KCNT2: variants seen among roughly 807,000 people sequenced by gnomAD.
The protein encoded by KCNT2 is potassium channel subfamily T member 2.
Under a neutral mutation model 153.8 loss-of-function variants are expected in KCNT2, and 67 were observed. The observed-to-expected ratio is 0.44, with a 90% CI of 0.36 to 0.53. The LOEUF (loss-of-function observed/expected upper bound fraction) is 0.53. Ranked by LOEUF, KCNT2 falls within the 20% of genes least tolerant of loss-of-function variation. The pLI is 0.00. For missense variants in KCNT2, 975 were observed against 1,354.8 expected (o/e 0.72, Z 4.40); for synonymous variants, 500 against 458.8 (o/e 1.09, Z -1.15).
intron 10 of KCNT2, 99 bp from the exon 11 acceptor site, chr1:196,426,087 A>C: frequency 1.1e-6 from 1 of 892,430 alleles, no homozygotes; most frequent in Non-Finnish European, 1.7e-6. Flanking sequence ...AAATATGATA[A>C]AACTGAAATG....
At chr1:196,545,826 T>A (rs774481615) in intron 1 of KCNT2, among the ~76,000 whole-genome samples, 1 of 151,882 alleles carries the variant, frequency 6.6e-6, no homozygotes, top group Admixed American at 6.6e-5. Flanking sequence ...TATCTTTTTA[T>A]GTCTGACTCT....
At chr1:196,292,768 C>T (rs1331427081) in intron 22 of KCNT2, among the ~76,000 whole-genome samples, 3 of 137,464 alleles carry the variant, frequency 2.2e-5, no homozygotes, top group South Asian at 2.4e-4. Flanking sequence ...GTGGAGATTG[C>T]GCCACTGCAC....
intron 8 of KCNT2, among the ~76,000 whole-genome samples, chr1:196,464,420 A>G (rs1439482069): frequency 1.3e-5 from 2 of 151,936 alleles, no homozygotes; most frequent in African/African-American, 4.8e-5. Context: ...ACCACATACT[A>G]TTGATACAAA....
At chr1:196,248,843 G>A (rs192169807) in intron 26 of KCNT2, among the ~76,000 whole-genome samples, 206 of 152,042 alleles carry the variant, frequency 1.4e-3, no homozygotes, top group Non-Finnish European at 2.0e-3. Flanking sequence ...AAGATACATC[G>A]ACAAAGAAAC....
intron 13 of KCNT2, among the ~76,000 whole-genome samples, chr1:196,374,844 A>G (rs1668820458): frequency 6.6e-6 from 1 of 151,892 alleles, no homozygotes; most frequent in Non-Finnish European, 1.5e-5. Flanking sequence ...ATCAAAAATT[A>G]GAACAGATGA....
chr1:196,490,791 C>A (rs1282492103), intron 2 of KCNT2, among the ~76,000 whole-genome samples: 1 of 151,776 alleles, frequency 6.6e-6, no homozygotes, highest in Non-Finnish European at 1.5e-5. Flanking sequence ...TGAGCATTAT[C>A]TTTCCTGTAA....
At chr1:196,337,162 C>T (rs762399341) in intron 16 of KCNT2, among the ~76,000 whole-genome samples, 74 of 151,426 alleles carry the variant, frequency 4.9e-4, no homozygotes, top group Middle Eastern at 3.4e-3. Context: ...CCTTCACCCC[C>T]GCAAAACCTG....
At position 196,342,131 on chromosome 1, in the gene KCNT2, CA is replaced by C; in HGVS notation, c.1500del (p.Phe500LeufsTer24). 1 of 1,610,994 alleles carries C rather than the reference CA, an allele frequency of 6.2e-7. No individual in the cohort carries two copies. Among genetic ancestry groups the C allele is most frequent in the South Asian group, 1.1e-5 (1 of 90,508 alleles). On this transcript the variant is annotated frameshift_variant, in exon 15 of 28. Coordinates refer to ENST00000294725, the MANE Select transcript of KCNT2 (RefSeq NM_198503.5). LOFTEE classifies it high-confidence loss of function. ...GTAAAACTCTTTCCTTCATATTCAG[CA>C]AAAAATGTACTTTCTTCCAAAACAA... Reference protein sequence around the residue: ...YHIVLEESTFFAEYEGKSFTY... With the variant: ...YHIVLEESTFXAEYEGKSFTY...
intron 14 of KCNT2, among the ~76,000 whole-genome samples, chr1:196,364,835 T>G (rs1442914481): frequency 1.3e-5 from 2 of 152,240 alleles, no homozygotes; most frequent in East Asian, 3.9e-4. Context: ...AACTTGTTTG[T>G]GAAAATAACA....
chr1:196,505,993 T>A (rs539983159), intron 1 of KCNT2, among the ~76,000 whole-genome samples: 1 of 152,152 alleles, frequency 6.6e-6, no homozygotes, highest in African/African-American at 2.4e-5. Flanking sequence ...GCTGAGACAA[T>A]GGGGTTTTCT....
chr1:196,379,245 C>A (rs888977766), intron 13 of KCNT2, among the ~76,000 whole-genome samples: 1 of 151,920 alleles, frequency 6.6e-6, no homozygotes, highest in African/African-American at 2.4e-5. Flanking sequence ...TTCTAATTCC[C>A]CTCCTTTGTT....
At position 196,238,748 on chromosome 1, in the gene KCNT2, C is replaced by T. The variant is rs111274109; in HGVS notation, c.3212-2678G>A. Among the ~76,000 whole-genome samples the T allele has an allele frequency of 1.8e-3, 266 of 151,814 alleles. 1 individual carries two copies. The highest frequency in any genetic ancestry group is 6.0e-3 in the African/African-American group (250 of 41,434). Reference sequence around the variant, plus strand: ...CTAATGTAAATGACGAGTTAATGGGCGCAGCAAACCAACACGGCACATGCA... The same window carrying T: ...CTAATGTAAATGACGAGTTAATGGGTGCAGCAAACCAACACGGCACATGCA... On this transcript the variant is annotated intron_variant, in intron 26 of 27. Transcript: ENST00000294725.
intron 1 of KCNT2, among the ~76,000 whole-genome samples, chr1:196,563,533 A>G (rs910204015): frequency 6.6e-6 from 1 of 151,858 alleles, no homozygotes; most frequent in African/African-American, 2.4e-5. Context: ...TGAAACCAAC[A>G]TTACCTTCAT....
intron 8 of KCNT2, among the ~76,000 whole-genome samples, chr1:196,447,202 C>T (rs2027367): frequency 0.99 from 149,907 of 151,616 alleles, 74,125 homozygotes; most frequent in Middle Eastern, 1. Context: ...AAGAAAAAAA[C>T]TGTGATACAA....
intron 1 of KCNT2, among the ~76,000 whole-genome samples, chr1:196,553,406 C>T (rs1658214163): frequency 6.6e-6 from 1 of 150,782 alleles, no homozygotes; most frequent in African/African-American, 2.4e-5. Flanking sequence ...AATATTACTC[C>T]CAGAAAGAAA....
At chr1:196,467,138 C>T (rs1677691103) in intron 7 of KCNT2, among the ~76,000 whole-genome samples, 1 of 151,864 alleles carries the variant, frequency 6.6e-6, no homozygotes, top group Admixed American at 6.6e-5. Context: ...TTACTTGAGC[C>T]CTCAAAAGCC....
At chr1:196,292,116 T>G (rs1045921922) in intron 22 of KCNT2, among the ~76,000 whole-genome samples, 1 of 152,230 alleles carries the variant, frequency 6.6e-6, no homozygotes, top group African/African-American at 2.4e-5. Flanking sequence ...CTCAATTTAC[T>G]TTTACGAATC....
chr1:196,472,797 T>C (rs61820755), intron 5 of KCNT2, among the ~76,000 whole-genome samples: 9,404 of 152,252 alleles, frequency 0.062, 372 homozygotes, highest in Middle Eastern at 0.1. Context: ...GATTTTCTAG[T>C]TTTTATTTCA....
rs570995073 is a variant in KCNT2, at chr1:196,546,262, A to G, written c.96-53921T>C. Among the ~76,000 whole-genome samples the G allele has an allele frequency of 3.3e-3, 505 of 152,244 alleles. 3 individuals are homozygous for G. Among genetic ancestry groups the G allele is most frequent in the Non-Finnish European group, 5.8e-3 (392 of 68,012 alleles). Reference sequence around the variant, plus strand: ...TCTTGATGATGTACTTTGAAGCACAAAAGTTTTCAATTTTAAAGAAGCCAA... The same window carrying G: ...TCTTGATGATGTACTTTGAAGCACAGAAGTTTTCAATTTTAAAGAAGCCAA... On this transcript the variant is annotated intron_variant, in intron 1 of 27. Coordinates refer to ENST00000294725, the MANE Select transcript of KCNT2 (RefSeq NM_198503.5).
Sources: allele counts gnomAD v4.1 joint callset (sites outside exome capture counted in the v4.1 genomes callset), GRCh38; gene constraint gnomAD v4.1.1; transcripts MANE v1.5; gene names NCBI Gene and HGNC (gene_info 2026-07-23, HGNC 2026-07-21).